Variants in ARL15 observed in about 807,000 individuals in gnomAD.
ARL15 encodes ADP-ribosylation factor-like protein 15.
In ARL15, 19 loss-of-function variants were observed where a neutral mutation model predicts 25.2. That is an observed-to-expected ratio of 0.75 (90% CI 0.53 to 1.10). The LOEUF (loss-of-function observed/expected upper bound fraction) is 1.10, where lower values mean the gene tolerates loss of function less well. Among genes scored for constraint, ARL15 ranks in the 50% least tolerant of loss-of-function variants. The probability of loss-of-function intolerance (pLI) is 0.00; values close to 1 mark genes in which losing one functional copy is unlikely to be tolerated. For synonymous variants in ARL15, 94 were observed against 86.8 expected, an observed-to-expected ratio of 1.08 and a Z score of -0.46; for missense variants, 220 against 246.0, an observed-to-expected ratio of 0.89 and a Z score of 0.71.
chr5:53,991,584 G>A lies in ARL15; in HGVS notation c.463-104871C>T, dbSNP rs566017732. Among the ~76,000 whole-genome samples the A allele has an allele frequency of 3.5e-5, 5 of 144,718 alleles. 1 individual carries two copies. Among genetic ancestry groups the A allele is most frequent in the African/African-American group, 7.6e-5 (3 of 39,448 alleles). The allele number at this position is 144,718 out of a possible 152,430, so 94.9% of individuals were successfully genotyped here. ...AAAGGGGGGGCGGGGGGCAATTGAA[G>A]CAATGAGTGTAAACACCTTGGCTCT... On this transcript the variant is annotated intron_variant, in intron 4 of 4. Transcript: ENST00000504924.
chr5:54,197,011 T>A (rs1005805379), intron 1 of ARL15, among the ~76,000 whole-genome samples: 5 of 152,196 alleles, frequency 3.3e-5, no homozygotes, highest in African/African-American at 4.8e-5. Flanking sequence ...TATTGATTCT[T>A]CAATAGTAAA....
At position 54,271,515 on chromosome 5, in the gene ARL15, T is replaced by C. The variant is rs1482146345; in HGVS notation, c.48+38917A>G. 2.0e-5 allele frequency among the ~76,000 whole-genome samples: 3 copies of C among 152,130 alleles called. No individual in the cohort carries two copies. In the East Asian group the frequency reaches 5.8e-4, roughly 29 times the overall value. ...CTGTTTAGGGAATGACAAGGAAAAA[T>C]ATCTATACATGTTGGGTACGAATGC... is the stretch of plus-strand genomic sequence containing the variant. On this transcript the variant is annotated intron_variant, in intron 1 of 4. Transcript: ENST00000504924.
At chr5:54,182,945 CTGTT>C (rs1467315233) in intron 1 of ARL15, among the ~76,000 whole-genome samples, 7 of 147,124 alleles carry the variant, frequency 4.8e-5, no homozygotes, top group Admixed American at 1.4e-4. Context: ...ATTTGGCTCT[CTGTT>C]TGTCTGTTAT....
intron 4 of ARL15, among the ~76,000 whole-genome samples, chr5:54,101,263 C>T (rs1452955018): frequency 3.9e-5 from 6 of 151,904 alleles, no homozygotes; most frequent in African/African-American, 9.7e-5. Context: ...TTTTTCAGTT[C>T]GGCTTTACCA....
intron 4 of ARL15, among the ~76,000 whole-genome samples, chr5:54,074,206 T>C (rs1339917877): frequency 6.6e-6 from 1 of 152,160 alleles, no homozygotes; most frequent in African/African-American, 2.4e-5. Flanking sequence ...TCATACAGAT[T>C]GGTATTCAAA....
intron 4 of ARL15, among the ~76,000 whole-genome samples, chr5:54,002,932 G>A (rs3776717): frequency 0.28 from 41,945 of 152,046 alleles, 6,033 homozygotes; most frequent in East Asian, 0.46. Flanking sequence ...AAGCCCAAAA[G>A]TAGGCCTTTA....
chr5:54,196,458 T>TGTTTTCTC (rs1248474811), intron 1 of ARL15, among the ~76,000 whole-genome samples: 2 of 152,310 alleles, frequency 1.3e-5, no homozygotes, highest in East Asian at 3.9e-4. Flanking sequence ...TATATGGTCC[T>TGTTTTCTC]GTTTTCTCAT....
At chr5:54,014,140 C>T (rs1222893660) in intron 4 of ARL15, among the ~76,000 whole-genome samples, 1 of 152,130 alleles carries the variant, frequency 6.6e-6, no homozygotes, top group Non-Finnish European at 1.5e-5. Flanking sequence ...TTCAAATTCT[C>T]AGATTAGAGA....
intron 4 of ARL15, among the ~76,000 whole-genome samples, chr5:53,919,200 T>C (rs1745762720): frequency 6.6e-6 from 1 of 152,196 alleles, no homozygotes; most frequent in African/African-American, 2.4e-5. Context: ...CAAATTCAAA[T>C]ACTACATCGT....
At chr5:54,124,043 G>T (rs1753170035) in intron 3 of ARL15, among the ~76,000 whole-genome samples, 1 of 152,128 alleles carries the variant, frequency 6.6e-6, no homozygotes, top group Admixed American at 6.5e-5. Flanking sequence ...AAGGGAGAGA[G>T]ACAGTGTAAT....
intron 1 of ARL15, among the ~76,000 whole-genome samples, chr5:54,246,530 C>T (rs1757088936): frequency 6.6e-6 from 1 of 152,090 alleles, no homozygotes; most frequent in Non-Finnish European, 1.5e-5. Context: ...CACTTCACAG[C>T]ACCTCATGCC....
chr5:54,088,659 T>G (rs1387036933), intron 4 of ARL15, among the ~76,000 whole-genome samples: 2 of 152,098 alleles, frequency 1.3e-5, no homozygotes, highest in Non-Finnish European at 2.9e-5. Flanking sequence ...AAGCATAAAC[T>G]CCTAGCAGAC....
chr5:54,193,297 C>T (rs1755457204), intron 1 of ARL15, among the ~76,000 whole-genome samples: 1 of 152,132 alleles, frequency 6.6e-6, no homozygotes, highest in Admixed American at 6.6e-5. Context: ...AAAATTGATA[C>T]AAGTCTCTTA....
intron 4 of ARL15, among the ~76,000 whole-genome samples, chr5:53,958,589 G>C (rs1253588536): frequency 1.3e-5 from 2 of 152,104 alleles, no homozygotes; most frequent in Non-Finnish European, 2.9e-5. Context: ...AAGTATAAAT[G>C]GATCAAACTC....
intron 4 of ARL15, among the ~76,000 whole-genome samples, chr5:53,919,742 C>A (rs973411942): frequency 6.6e-6 from 1 of 152,124 alleles, no homozygotes; most frequent in Admixed American, 6.5e-5. Flanking sequence ...CTATTCCATG[C>A]TGGGTACCTG....
At chr5:54,180,027 A>AG (rs1438755573) in intron 1 of ARL15, among the ~76,000 whole-genome samples, 2 of 151,772 alleles carry the variant, frequency 1.3e-5, no homozygotes, top group African/African-American at 4.8e-5. Flanking sequence ...AGAAAAAAAA[A>AG]AAAAAAAAAA....
intron 1 of ARL15, among the ~76,000 whole-genome samples, chr5:54,280,136 C>T (rs1199795593): frequency 6.6e-6 from 1 of 152,172 alleles, no homozygotes; most frequent in Non-Finnish European, 1.5e-5. Flanking sequence ...AATTCTTCCC[C>T]ATCCCTCCTT....
intron 1 of ARL15, among the ~76,000 whole-genome samples, chr5:54,189,028 T>C (rs1161525230): frequency 6.6e-6 from 1 of 152,048 alleles, no homozygotes; most frequent in Non-Finnish European, 1.5e-5. Flanking sequence ...CACTAATAAT[T>C]AACAACCTGA....
intron 4 of ARL15, among the ~76,000 whole-genome samples, chr5:53,963,842 CACACACAT>C (rs1282533693): frequency 1.7e-4 from 24 of 144,774 alleles, no homozygotes; most frequent in African/African-American, 5.3e-4. Flanking sequence ...CACACACACA[CACACACAT>C]ACACAGAGTA....
Sources: gnomAD v4.1 joint callset for allele counts (sites outside exome capture counted in the v4.1 genomes callset) on GRCh38, gnomAD v4.1.1 for gene constraint, MANE v1.5 for transcripts, NCBI Gene and HGNC (gene_info 2026-07-23, HGNC 2026-07-21) for gene names.